The following PI4KA variants were observed in gnomAD, a reference collection of about 807,000 sequenced individuals.
The protein encoded by PI4KA is PI4-kinase alpha.
A neutral mutation model predicts 271.4 loss-of-function variants in PI4KA; 122 were observed. The observed-to-expected ratio is 0.45, with a 90% confidence interval of 0.39 to 0.52. PI4KA has a LOEUF of 0.52. PI4KA is among the 20% of genes least tolerant of loss of function. The pLI, the probability that PI4KA is intolerant of heterozygous loss-of-function variation, is 0.00. For missense variants in PI4KA, 1,969 were observed against 2,769.1 expected (o/e 0.71, Z 6.48); for synonymous variants, 1,041 against 1,078.8 (o/e 0.96, Z 0.69).
At chr22:20,737,892 A>G (rs185323319) in intron 32 of PI4KA, among the ~76,000 whole-genome samples, 62 of 152,124 alleles carry the variant, frequency 4.1e-4, no homozygotes, top group African/African-American at 1.3e-3. Context: ...CGGCCTCCCA[A>G]AGTGCTGGGA....
Position 20,744,616 on chromosome 22 carries a change from C to T in PI4KA, c.3456+12G>A. 1 of 1,609,084 alleles carries T rather than the reference C, an allele frequency of 6.2e-7. No homozygotes were observed. Among genetic ancestry groups the T allele is most frequent in the Non-Finnish European group, 8.5e-7 (1 of 1,175,424 alleles). On this transcript the variant is annotated intron_variant, in intron 30 of 54. Coordinates refer to ENST00000255882, the MANE Select transcript of PI4KA (RefSeq NM_058004.4). ...CGTTAAAGGCCCTAGGGCGCAAGGA[C>T]AAGAGAAGCACCTCGCCCGCGTAGC...
intron 1 of PI4KA, among the ~76,000 whole-genome samples, chr22:20,847,668 G>C (rs1926432671): frequency 6.6e-6 from 1 of 151,954 alleles, no homozygotes; most frequent in Non-Finnish European, 1.5e-5. Context: ...GACTGCTTAA[G>C]CCTGGGAGGT....
At chr22:20,828,501 T>A (rs889651075) in intron 3 of PI4KA, among the ~76,000 whole-genome samples, 5 of 152,148 alleles carry the variant, frequency 3.3e-5, no homozygotes, top group African/African-American at 1.2e-4. Flanking sequence ...TTGTCATAGA[T>A]GGCTATTATT....
intron 3 of PI4KA, among the ~76,000 whole-genome samples, chr22:20,824,779 C>CACACACACAA: frequency 8.0e-6 from 1 of 124,478 alleles, no homozygotes; most frequent in South Asian, 2.5e-4. Flanking sequence ...CACACACACA[C>CACACACACAA]AAAACACTCG....
intron 13 of PI4KA, 55 bp downstream of exon 13, chr22:20,803,132 TCACA>T: frequency 6.4e-7 from 1 of 1,565,620 alleles, no homozygotes; most frequent in Non-Finnish European, 8.8e-7. Flanking sequence ...TGTGTGAGGC[TCACA>T]CACAGTCACA....
At position 20,717,715 on chromosome 22, in the gene PI4KA, C is replaced by T. The variant is rs1217973804; in HGVS notation, c.5310G>A (p.Val1770=). Residue 1770 remains valine (V), a synonymous_variant, in exon 45 of 55, where the codon GTG becomes GTA. Coordinates refer to ENST00000255882, the MANE Select transcript of PI4KA (RefSeq NM_058004.4). ...CAGAAGCCACCTGCTCACCCGGCTG[C>T]ACCTTCACTTCAGACAGGGCCGACA... ...ACLSALSEVK[V]QPGCYLPSNP... is the part of the protein sequence containing the mutation. 2 of 1,580,498 alleles carry T rather than the reference C, an allele frequency of 1.3e-6. No individual in the cohort carries two copies. The highest frequency in any genetic ancestry group is 1.7e-6 in the Non-Finnish European group (2 of 1,161,616).
intron 19 of PI4KA, among the ~76,000 whole-genome samples, chr22:20,771,576 T>C (rs1274811179): frequency 6.8e-6 from 1 of 146,118 alleles, no homozygotes; most frequent in Non-Finnish European, 1.6e-5. Context: ...TTTATTTATT[T>C]ATTTATTTAT....
chr22:20,720,579 G>T (rs1226205872), intron 43 of PI4KA, among the ~76,000 whole-genome samples: 1 of 152,164 alleles, frequency 6.6e-6, no homozygotes, highest in Admixed American at 6.6e-5. Flanking sequence ...CACTTCTCAA[G>T]TGTGGTGCAG....
chr22:20,797,082 G>A (rs941722673), intron 17 of PI4KA, among the ~76,000 whole-genome samples: 2 of 152,176 alleles, frequency 1.3e-5, no homozygotes, highest in Admixed American at 6.5e-5. Flanking sequence ...GAAACACCAC[G>A]TGAAGCACTA....
rs569754337 is a variant in PI4KA at position 20,800,151 on chromosome 22, T to C, written c.1725-385A>G. ...AAGGTTTTCATGGTAAGGAGAAACA[T>C]TTACGTTACAGAGAAAAGGGGAAAA... On this transcript the variant is annotated intron_variant, in intron 14 of 54. Coordinates refer to ENST00000255882, the MANE Select transcript of PI4KA (RefSeq NM_058004.4). Among the ~76,000 whole-genome samples, 91 of 152,158 alleles carry C rather than the reference T, an allele frequency of 6.0e-4. 1 individual carries two copies. The highest frequency in any genetic ancestry group is 1.0e-3 in the Non-Finnish European group (69 of 68,028).
At chr22:20,719,661 C>T (rs901149855) in intron 43 of PI4KA, among the ~76,000 whole-genome samples, 2 of 152,022 alleles carry the variant, frequency 1.3e-5, no homozygotes, top group African/African-American at 2.4e-5. Flanking sequence ...AATAAATCTT[C>T]CACTCAAAGG....
chr22:20,734,463 C>G lies in PI4KA; in HGVS notation c.3832G>C (p.Ala1278Pro). 3 of 1,613,392 alleles carry G rather than the reference C, an allele frequency of 1.9e-6. No individual in the cohort carries two copies. Among genetic ancestry groups the G allele is most frequent in the Non-Finnish European group, 2.5e-6 (3 of 1,179,702 alleles). Residue 1278 changes from alanine to proline, a missense_variant, in exon 33 of 55, where the codon GCT (alanine) becomes CCT (proline). Physicochemically the swap from Ala to Pro is conservative, Grantham distance 27 (BLOSUM62 -1). This residue lies in a region of PI4KA where 203 missense variants were observed against 256.8 expected (regional missense o/e 0.79). Coordinates refer to ENST00000255882, the MANE Select transcript of PI4KA (RefSeq NM_058004.4). ...TTGGGTTGACTTGCTTCCGAGGCAG[C>G]CAGGGGGTCTGCTTCCTTTATCTCA... ...SAEIKEADPL[A>P]ASEASQPKPC...
In PI4KA at chr22:20,713,394, C is replaced by T. The variant is rs1425265760; in HGVS notation, c.5462-4G>A. Reference sequence around the variant, plus strand: ...GAGTCTGAGCGGCACCGCAGACCTGCCCGCAGGGAGAGAGGCCGCTGTTAG... The same window carrying T: ...GAGTCTGAGCGGCACCGCAGACCTGTCCGCAGGGAGAGAGGCCGCTGTTAG... On this transcript the variant is annotated splice_region_variant and splice_polypyrimidine_tract_variant and intron_variant, in intron 47 of 54. Coordinates refer to ENST00000255882, the MANE Select transcript of PI4KA (RefSeq NM_058004.4). The T allele has an allele frequency of 2.6e-6, 4 of 1,565,468 alleles. No homozygotes were observed. In the South Asian group the frequency reaches 4.7e-5, roughly 18 times the overall value.
chr22:20,799,321 C>T, intron 15 of PI4KA, 45 bp from the exon 16 acceptor site: 1 of 1,474,412 alleles, frequency 6.8e-7, no homozygotes, highest in South Asian at 1.4e-5. Context: ...GTCCCTCCAG[C>T]ATGCAGTAGT....
At chr22:20,753,983 G>A (rs974610978) in intron 23 of PI4KA, among the ~76,000 whole-genome samples, 1 of 152,146 alleles carries the variant, frequency 6.6e-6, no homozygotes, top group Non-Finnish European at 1.5e-5. Context: ...ACCGTGTCCG[G>A]CCTGGATGTG....
chr22:20,842,379 C>T (rs1281928650), intron 1 of PI4KA, among the ~76,000 whole-genome samples: 2 of 152,154 alleles, frequency 1.3e-5, no homozygotes, highest in Non-Finnish European at 2.9e-5. Flanking sequence ...AAATTATAAA[C>T]GTGTTATTCT....
intron 48 of PI4KA, 98 bp from the exon 49 acceptor site, chr22:20,712,895 G>A (rs1925496050): frequency 6.5e-7 from 1 of 1,543,814 alleles, no homozygotes; most frequent in Non-Finnish European, 8.8e-7. Context: ...ACCCAGAGAT[G>A]GAGTGAGGTG....
chr22:20,715,539 G>A (rs1925875770), intron 45 of PI4KA, among the ~76,000 whole-genome samples: 1 of 145,968 alleles, frequency 6.9e-6, no homozygotes, highest in East Asian at 2.2e-4. Context: ...CAGTGGCTCG[G>A]TCTCAGCTCA....
intron 19 of PI4KA, chr22:20,784,085 G>T: frequency 6.2e-7 from 1 of 1,614,186 alleles, no homozygotes; most frequent in Non-Finnish European, 8.5e-7. Flanking sequence ...CTTCCTCGCA[G>T]CAAATGACCA....
Sources: allele counts gnomAD v4.1 joint callset (sites outside exome capture counted in the v4.1 genomes callset), GRCh38; gene constraint gnomAD v4.1.1; regional missense constraint gnomAD v4.1.1; transcripts MANE v1.5; gene names NCBI Gene and HGNC (gene_info 2026-07-23, HGNC 2026-07-21).